The following WDPCP variants were observed in gnomAD, a reference collection of about 807,000 sequenced individuals.
The protein encoded by WDPCP is WD repeat containing planar cell polarity effector.
WDPCP carries 71 observed loss-of-function variants against 93.1 expected under a neutral mutation model. The ratio of observed to expected loss-of-function variants is 0.76; its 90% confidence interval spans 0.63 to 0.93. The LOEUF is 0.93. Ranked by LOEUF, WDPCP falls within the 40% of genes least tolerant of loss-of-function variation. WDPCP has a pLI of 0.00. For missense variants in WDPCP, 844 were observed against 887.4 expected, an observed-to-expected ratio of 0.95 and a Z score of 0.62; for synonymous variants, 315 against 315.0, an observed-to-expected ratio of 1.00 and a Z score of 0.00.
intron 13 of WDPCP, among the ~76,000 whole-genome samples, chr2:63,295,970 T>A (rs1171602026): frequency 6.7e-5 from 10 of 150,270 alleles, no homozygotes; most frequent in African/African-American, 2.4e-4. Context: ...ACCAAAATCA[T>A]GCAAAGACAC....
chr2:63,271,896 A>C (rs965892733), intron 13 of WDPCP, among the ~76,000 whole-genome samples: 3 of 152,154 alleles, frequency 2.0e-5, no homozygotes, highest in African/African-American at 7.2e-5. Context: ...CACTGGTGCC[A>C]GTATGTATTG....
intron 12 of WDPCP, among the ~76,000 whole-genome samples, chr2:63,346,613 T>G (rs1996401): frequency 0.57 from 85,997 of 151,964 alleles, 24,677 homozygotes; most frequent in Admixed American, 0.64. Flanking sequence ...ATTGTTCTTT[T>G]CCTAGCCTCA....
rs537699487 is a variant in WDPCP at position 63,263,334 on chromosome 2, G to A, written c.1813-3925C>T. On this transcript the variant is annotated intron_variant, in intron 13 of 17. Transcript: ENST00000272321. Reference sequence around the variant, plus strand: ...CAATGCAATGGTATTGGAAGGTGGGGCCCTTAAGAGAGGATTAGGTCATAA... The same window carrying A: ...CAATGCAATGGTATTGGAAGGTGGGACCCTTAAGAGAGGATTAGGTCATAA... Among the ~76,000 whole-genome samples, 7 of 152,328 alleles carry A rather than the reference G, an allele frequency of 4.6e-5. No individual in the cohort carries two copies. In the South Asian group the frequency reaches 1.2e-3, roughly 27 times the overall value.
chr2:63,701,861 G>A (rs993919548), intron 2 of WDPCP, among the ~76,000 whole-genome samples: 1 of 152,180 alleles, frequency 6.6e-6, no homozygotes, highest in South Asian at 2.1e-4. Context: ...GGTGGGGTGA[G>A]GGGGATGAAG....
chr2:63,221,427 C>T (rs893274027), intron 14 of WDPCP, among the ~76,000 whole-genome samples: 1 of 152,052 alleles, frequency 6.6e-6, no homozygotes, highest in Non-Finnish European at 1.5e-5. Context: ...ACAGAGGAGC[C>T]AATAGGCCCA....
chr2:63,575,351 GGTATATACAGTATATACA>G (rs1229135119), intron 1 of WDPCP, among the ~76,000 whole-genome samples: 4 of 107,480 alleles, frequency 3.7e-5, no homozygotes, highest in Non-Finnish European at 2.0e-5. Flanking sequence ...TACTGTATAT[GGTATATACAGTATATACA>G]GTATATACAG....
intron 2 of WDPCP, among the ~76,000 whole-genome samples, chr2:63,695,082 G>C (rs1668945048): frequency 6.6e-6 from 1 of 152,068 alleles, no homozygotes; most frequent in African/African-American, 2.4e-5. Flanking sequence ...TGAAGTATTT[G>C]GCATTATCTT....
intron 2 of WDPCP, among the ~76,000 whole-genome samples, chr2:63,793,341 CTCACACCTGTAG>C (rs1191506111): frequency 6.6e-6 from 1 of 152,180 alleles, no homozygotes; most frequent in Non-Finnish European, 1.5e-5. Context: ...GGCATGGTGG[CTCACACCTGTAG>C]TCACAACCCT....
chr2:63,219,860 G>A (rs1011966903), intron 14 of WDPCP, among the ~76,000 whole-genome samples: 1 of 151,980 alleles, frequency 6.6e-6, no homozygotes, highest in Non-Finnish European at 1.5e-5. Flanking sequence ...AAAATTAGCC[G>A]GGGGTGGTGG....
intron 14 of WDPCP, among the ~76,000 whole-genome samples, chr2:63,230,376 A>T (rs895586361): frequency 3.9e-5 from 6 of 152,232 alleles, no homozygotes; most frequent in Admixed American, 1.3e-4. Context: ...TGCTATTGTG[A>T]ATAGTGCCAC....
intron 13 of WDPCP, among the ~76,000 whole-genome samples, chr2:63,302,012 AG>A (rs1172637719): frequency 1.1e-4 from 16 of 152,212 alleles, no homozygotes; most frequent in Non-Finnish European, 1.8e-4. Flanking sequence ...AGACCCAAAA[AG>A]AATATTTCTC....
chr2:63,597,500 T>A, intron 3 of WDPCP: 1 of 1,524,120 alleles, frequency 6.6e-7, no homozygotes, highest in Non-Finnish European at 8.9e-7. Flanking sequence ...GAGAAAAGAT[T>A]TACTGAAAGC....
At chr2:63,266,211 G>A (rs1682105541) in intron 13 of WDPCP, among the ~76,000 whole-genome samples, 1 of 152,140 alleles carries the variant, frequency 6.6e-6, no homozygotes, top group African/African-American at 2.4e-5. Context: ...AGGAAGGTGT[G>A]AAATTCTGTT....
At chr2:63,417,555 T>G (rs1695526781) in intron 9 of WDPCP, among the ~76,000 whole-genome samples, 1 of 151,514 alleles carries the variant, frequency 6.6e-6, no homozygotes, top group African/African-American at 2.4e-5. Context: ...AATAATAAAT[T>G]TGTATACTGC....
intron 1 of WDPCP, among the ~76,000 whole-genome samples, chr2:63,822,404 AT>A (rs1367162771): frequency 6.6e-6 from 1 of 152,172 alleles, no homozygotes; most frequent in Non-Finnish European, 1.5e-5. Flanking sequence ...AGTTTGTAGA[AT>A]TTTTATATTA....
intron 1 of WDPCP, among the ~76,000 whole-genome samples, chr2:63,550,192 A>AAC (rs56155473): frequency 0.06 from 2,670 of 44,290 alleles, 44 homozygotes; most frequent in Non-Finnish European, 0.069. Context: ...CATCTTAAGA[A>AAC]ACACACACAC....
At chr2:63,721,486 T>A (rs1669411718) in intron 2 of WDPCP, among the ~76,000 whole-genome samples, 1 of 152,166 alleles carries the variant, frequency 6.6e-6, no homozygotes, top group African/African-American at 2.4e-5. Flanking sequence ...CCTGTACCCC[T>A]CTTACCCCTT....
In WDPCP at chr2:63,628,924, T is replaced by G. The variant is rs530078596; in HGVS notation, n.488+21735A>C. Among the ~76,000 whole-genome samples the G allele has an allele frequency of 3.3e-5, 5 of 152,276 alleles. No homozygotes were observed. The South Asian group carries it at 1.0e-3, about 32-fold the overall frequency. ...TTACCTAGTCTAGTGGTCCCACACT[T>G]GGACTCAACAATGAGTTTCCAAAAC... On this transcript the variant is annotated intron_variant and non_coding_transcript_variant, in intron 3 of 4. Coordinates refer to the WDPCP transcript ENST00000467687.
At chr2:63,213,839 A>C (rs1377500879) in intron 14 of WDPCP, among the ~76,000 whole-genome samples, 1 of 152,180 alleles carries the variant, frequency 6.6e-6, no homozygotes, top group Non-Finnish European at 1.5e-5. Flanking sequence ...GAATACTATG[A>C]ACACCTCTAC....
Sources: gnomAD v4.1 joint callset for allele counts (sites outside exome capture counted in the v4.1 genomes callset) on GRCh38, gnomAD v4.1.1 for gene constraint, MANE v1.5 for transcripts, NCBI Gene and HGNC (gene_info 2026-07-23, HGNC 2026-07-21) for gene names.